The following MRTFA variants were observed in gnomAD, a reference collection of about 807,000 sequenced individuals.
MRTFA encodes the protein myocardin related transcription factor A.
In MRTFA, 20 loss-of-function variants were observed where a neutral mutation model predicts 83.5. The ratio of observed to expected loss-of-function variants is 0.24; its 90% CI spans 0.17 to 0.35. MRTFA has a LOEUF of 0.35. Ranked by LOEUF, MRTFA falls within the 10% of genes least tolerant of loss-of-function variation. The pLI, the probability that MRTFA is intolerant of heterozygous loss-of-function variation, is 1.00. For missense variants in MRTFA, 1,200 were observed against 1,224.7 expected, an observed-to-expected ratio of 0.98 and a Z score of 0.30; for synonymous variants, 659 against 541.2, an observed-to-expected ratio of 1.22 and a Z score of -3.02.
chr22:40,593,460 A>G (rs952087415), intron 2 of MRTFA, among the ~76,000 whole-genome samples: 3 of 152,214 alleles, frequency 2.0e-5, no homozygotes, highest in Non-Finnish European at 4.4e-5. Context: ...TTTATCACAC[A>G]GTATTTCCAT....
At chr22:40,631,267 G>T in intron 1 of MRTFA, among the ~76,000 whole-genome samples, 1 of 152,112 alleles carries the variant, frequency 6.6e-6, no homozygotes, top group African/African-American at 2.4e-5. Flanking sequence ...TCATCTCTCT[G>T]ACTCCAAACT....
chr22:40,484,984 A>T (rs1305233675), intron 3 of MRTFA, among the ~76,000 whole-genome samples: 1 of 151,994 alleles, frequency 6.6e-6, no homozygotes, highest in Non-Finnish European at 1.5e-5. Context: ...AGGCAGGAGA[A>T]TCGCTTGCAT....
rs921967125 is a variant in MRTFA, at chr22:40,416,712, G to C, written c.2578+274C>G. 8.5e-5 allele frequency among the ~76,000 whole-genome samples: 13 copies of C among 152,218 alleles called. No individual in the cohort carries two copies. Among genetic ancestry groups the C allele is most frequent in the African/African-American group, 2.4e-4 (10 of 41,466 alleles). On this transcript the variant is annotated intron_variant, in intron 14 of 14. Transcript: ENST00000355630. This position sits in a 1 kb window ranked among gnomAD's most constrained non-coding sequence, Gnocchi z 4.2. ...CTTATATTTGTTGTCCACCTCCCCA[G>C]GCTGCACTGTGAGCTCCACAAGGGC...
chr22:40,500,194 G>T (rs1034720350), intron 3 of MRTFA, among the ~76,000 whole-genome samples: 3 of 149,752 alleles, frequency 2.0e-5, no homozygotes, highest in Non-Finnish European at 3.0e-5. Context: ...CTCCCAAAGT[G>T]CTGGGATTAC....
chr22:40,520,512 CTG>C (rs753608152), intron 3 of MRTFA, among the ~76,000 whole-genome samples: 2 of 152,018 alleles, frequency 1.3e-5, no homozygotes, highest in African/African-American at 2.4e-5. Context: ...GTTCAAGCGA[CTG>C]TTGTGCCTCA....
chr22:40,476,154 A>AGG (rs1389242621), intron 3 of MRTFA, among the ~76,000 whole-genome samples: 4 of 149,898 alleles, frequency 2.7e-5, no homozygotes, highest in African/African-American at 4.9e-5. Context: ...AAAAAAAAAA[A>AGG]AGGGGGGGGG....
chr22:40,493,447 G>T (rs1025859340), intron 3 of MRTFA, among the ~76,000 whole-genome samples: 4 of 152,198 alleles, frequency 2.6e-5, no homozygotes, highest in African/African-American at 9.7e-5. Context: ...TACTCACAGG[G>T]CCAACAGGGG....
At chr22:40,529,671 G>C (rs1334257525) in intron 3 of MRTFA, among the ~76,000 whole-genome samples, 1 of 152,180 alleles carries the variant, frequency 6.6e-6, no homozygotes, top group African/African-American at 2.4e-5. Flanking sequence ...AAAGTACACA[G>C]TTTAAAAGCA....
At chr22:40,488,392 AT>A (rs1424938892) in intron 3 of MRTFA, among the ~76,000 whole-genome samples, 1 of 152,238 alleles carries the variant, frequency 6.6e-6, no homozygotes, top group Non-Finnish European at 1.5e-5. Context: ...CTAGCCACAC[AT>A]GCTATTTAAA....
At chr22:40,574,223 A>C (rs2061958598) in intron 2 of MRTFA, among the ~76,000 whole-genome samples, 1 of 152,208 alleles carries the variant, frequency 6.6e-6, no homozygotes, top group African/African-American at 2.4e-5. Context: ...AAAAAGCAGT[A>C]ACATTTTAAC....
chr22:40,461,141 G>A (rs773110506), intron 4 of MRTFA, among the ~76,000 whole-genome samples: 3 of 146,024 alleles, frequency 2.1e-5, no homozygotes, highest in African/African-American at 5.1e-5. Context: ...AGAGGTGGAC[G>A]CTGCAGTGAG....
intron 3 of MRTFA, among the ~76,000 whole-genome samples, chr22:40,518,522 G>A (rs908302243): frequency 4.6e-5 from 7 of 151,770 alleles, no homozygotes; most frequent in African/African-American, 1.2e-4. Flanking sequence ...GGCCAGGCAC[G>A]GTGGCTCACG....
intron 3 of MRTFA, among the ~76,000 whole-genome samples, chr22:40,513,552 G>A (rs1258425578): frequency 7.1e-6 from 1 of 141,470 alleles, no homozygotes; most frequent in Non-Finnish European, 1.5e-5. Flanking sequence ...AGTGAGCCAA[G>A]ATCACACCAT....
chr22:40,607,412 G>A (rs982550609), intron 1 of MRTFA, among the ~76,000 whole-genome samples: 9 of 151,652 alleles, frequency 5.9e-5, no homozygotes, highest in Admixed American at 5.9e-4. Context: ...GCTGAGGCAG[G>A]AGAATGGCGT....
chr22:40,419,494 C>T (rs973890153), intron 11 of MRTFA, 110 bp from the exon 12 acceptor site: 2 of 923,550 alleles, frequency 2.2e-6, no homozygotes, highest in African/African-American at 1.7e-5. Context: ...GCATCAACTA[C>T]CCTAATCCTC....
intron 2 of MRTFA, among the ~76,000 whole-genome samples, chr22:40,571,993 A>G (rs2055802599): frequency 6.6e-6 from 1 of 151,322 alleles, no homozygotes; most frequent in African/African-American, 2.4e-5. Context: ...ATCACTAGTC[A>G]TTAGGAAATA....
At chr22:40,476,456 T>G (rs768051768) in intron 3 of MRTFA, among the ~76,000 whole-genome samples, 1 of 152,130 alleles carries the variant, frequency 6.6e-6, no homozygotes, top group Non-Finnish European at 1.5e-5. Context: ...TAAACATGTT[T>G]CTTTTCTTTT....
At chr22:40,598,163 TCAGA>T (rs1024659487) in intron 1 of MRTFA, among the ~76,000 whole-genome samples, 1 of 152,142 alleles carries the variant, frequency 6.6e-6, no homozygotes, top group African/African-American at 2.4e-5. Context: ...CTCAAAGTTG[TCAGA>T]CAATGTTATT....
chr22:40,624,775 T>C (rs1400776024), intron 1 of MRTFA, among the ~76,000 whole-genome samples: 3 of 152,232 alleles, frequency 2.0e-5, no homozygotes, highest in African/African-American at 4.8e-5. Context: ...CTATTAGACA[T>C]GTTGAAAATA....
Sources: allele counts gnomAD v4.1 joint callset (sites outside exome capture counted in the v4.1 genomes callset), GRCh38; gene constraint gnomAD v4.1.1; non-coding constraint Gnocchi (gnomAD v3.1); transcripts MANE v1.5; gene names NCBI Gene and HGNC (gene_info 2026-07-23, HGNC 2026-07-21).